The following NRXN1 variants were observed in gnomAD, a reference collection of about 807,000 sequenced individuals.
NRXN1 encodes the protein neurexin-1.
Under a neutral mutation model 150.9 loss-of-function variants are expected in NRXN1, and 39 were observed. The ratio of observed to expected loss-of-function variants is 0.26; its 90% confidence interval spans 0.20 to 0.34. NRXN1 has a LOEUF of 0.34. NRXN1 is among the 10% of genes least tolerant of loss of function. NRXN1 has a pLI of 1.00. For missense variants in NRXN1, 1,815 were observed against 1,949.9 expected (o/e 0.93, Z 1.30); for synonymous variants, 924 against 757.0 (o/e 1.22, Z -3.62).
chr2:49,954,682 T>G (rs1674618929), intron 21 of NRXN1, among the ~76,000 whole-genome samples: 1 of 152,204 alleles, frequency 6.6e-6, no homozygotes. Context: ...AATATGACTT[T>G]ACCTATGGTT....
At chr2:50,323,571 C>CTATATATATATATATATATA (rs149609146) in intron 17 of NRXN1, among the ~76,000 whole-genome samples, 192 of 144,326 alleles carry the variant, frequency 1.3e-3, no homozygotes, top group African/African-American at 4.6e-3. Context: ...GGGAAATAAA[C>CTATATATATATATATATATA]TATATATATA....
intron 5 of NRXN1, chr2:50,918,314 G>A (rs1685504734): frequency 4.5e-6 from 1 of 219,848 alleles, no homozygotes; most frequent in South Asian, 1.8e-4. Context: ...TTTAAGTCAT[G>A]AAAATCGCAA....
At chr2:50,937,153 T>A (rs1019331805) in intron 2 of NRXN1, among the ~76,000 whole-genome samples, 4 of 152,190 alleles carry the variant, frequency 2.6e-5, no homozygotes. Context: ...GTAAGACCCC[T>A]TATTCAATAA....
chr2:50,767,577 T>C (rs1449680721), intron 5 of NRXN1, among the ~76,000 whole-genome samples: 6 of 152,202 alleles, frequency 3.9e-5, no homozygotes, highest in Non-Finnish European at 8.8e-5. Context: ...CAAATATGAA[T>C]AGAAAACAGT....
intron 17 of NRXN1, among the ~76,000 whole-genome samples, chr2:50,274,298 A>G (rs1439906564): frequency 2.0e-5 from 3 of 152,186 alleles, no homozygotes; most frequent in South Asian, 2.1e-4. Context: ...ACACAGGAAC[A>G]GGAAACCAAA....
chr2:50,949,342 C>G (rs1690916403), intron 2 of NRXN1, among the ~76,000 whole-genome samples: 1 of 151,822 alleles, frequency 6.6e-6, no homozygotes, highest in Non-Finnish European at 1.5e-5. Context: ...AGTTACTTAC[C>G]TTTCATATCA....
At chr2:50,145,447 A>G (rs1029259412) in intron 18 of NRXN1, among the ~76,000 whole-genome samples, 1 of 151,648 alleles carries the variant, frequency 6.6e-6, no homozygotes, top group Non-Finnish European at 1.5e-5. Context: ...AAATAATCTA[A>G]TCTAAAAAGT....
rs1691601063 is a variant in NRXN1 at position 50,688,591 on chromosome 2, C to A, written c.833-64976G>T. ...GTTACAGCCAGGTTTTTGCTGCAAT[C>A]AGTAAGGATTTCTCATGTTCTAACA... On this transcript the variant is annotated intron_variant, in intron 5 of 22. Transcript: ENST00000401669. Among the ~76,000 whole-genome samples the A allele has an allele frequency of 1.3e-5, 2 of 152,144 alleles. 1 individual carries two copies. Among genetic ancestry groups the A allele is most frequent in the South Asian group, 4.1e-4 (2 of 4,830 alleles).
chr2:50,647,606 C>A (rs1573954336), intron 5 of NRXN1, among the ~76,000 whole-genome samples: 1 of 151,690 alleles, frequency 6.6e-6, no homozygotes, highest in East Asian at 1.9e-4. Flanking sequence ...ATATAAAGAC[C>A]CAAAGAAAAG....
chr2:50,230,608 G>C (rs371822955), intron 18 of NRXN1, among the ~76,000 whole-genome samples: 1 of 151,996 alleles, frequency 6.6e-6, no homozygotes, highest in African/African-American at 2.4e-5. Flanking sequence ...TATGTGAACC[G>C]AGAAGAAGCT....
intron 17 of NRXN1, among the ~76,000 whole-genome samples, chr2:50,364,530 T>C (rs1437101465): frequency 6.6e-6 from 1 of 152,194 alleles, no homozygotes; most frequent in Non-Finnish European, 1.5e-5. Context: ...AAATGCTTAA[T>C]TTCCCATTTT....
intron 19 of NRXN1, among the ~76,000 whole-genome samples, chr2:50,069,155 G>T (rs2078232): frequency 0.091 from 13,788 of 152,266 alleles, 718 homozygotes; most frequent in Middle Eastern, 0.15. Flanking sequence ...TAGCAATGAA[G>T]TCTTAAAATG....
chr2:50,748,746 G>A (rs567835655), intron 5 of NRXN1, among the ~76,000 whole-genome samples: 1 of 152,112 alleles, frequency 6.6e-6, no homozygotes, highest in African/African-American at 2.4e-5. Context: ...AACTGCCACT[G>A]ACAACTATAA....
chr2:50,665,625 T>C (rs1021499791), intron 5 of NRXN1, among the ~76,000 whole-genome samples: 6 of 152,022 alleles, frequency 3.9e-5, no homozygotes, highest in Non-Finnish European at 8.8e-5. Context: ...TTGTGACTTA[T>C]TTGAGAAAGT....
chr2:50,962,337 C>T (rs1312798059), intron 2 of NRXN1, among the ~76,000 whole-genome samples: 1 of 151,656 alleles, frequency 6.6e-6, no homozygotes, highest in Non-Finnish European at 1.5e-5. Context: ...TCCCTTGAGG[C>T]CTCTTGTTTC....
intron 17 of NRXN1, among the ~76,000 whole-genome samples, chr2:50,441,149 T>A (rs1395445145): frequency 6.6e-6 from 1 of 152,192 alleles, no homozygotes; most frequent in East Asian, 1.9e-4. Context: ...ATTGAAGATA[T>A]CACTTAAGGA....
At chr2:50,060,703 G>A (rs1173182792) in intron 19 of NRXN1, among the ~76,000 whole-genome samples, 2 of 152,142 alleles carry the variant, frequency 1.3e-5, no homozygotes, top group Non-Finnish European at 2.9e-5. Context: ...TTCTCATATA[G>A]TGAATAAGTG....
At chr2:50,573,703 G>T (rs1006400107) in intron 8 of NRXN1, among the ~76,000 whole-genome samples, 1 of 151,156 alleles carries the variant, frequency 6.6e-6, no homozygotes, top group East Asian at 2.0e-4. Context: ...GAAAATCTGC[G>T]CTTATAGATT....
chr2:50,140,921 AAAC>A (rs1256687794), intron 18 of NRXN1, among the ~76,000 whole-genome samples: 2 of 151,880 alleles, frequency 1.3e-5, no homozygotes, highest in South Asian at 2.1e-4. Flanking sequence ...TATATATATA[AAAC>A]AACTACAAAA....
Sources: gnomAD v4.1 joint callset for allele counts (sites outside exome capture counted in the v4.1 genomes callset) on GRCh38, gnomAD v4.1.1 for gene constraint, MANE v1.5 for transcripts, NCBI Gene and HGNC (gene_info 2026-07-23, HGNC 2026-07-21) for gene names.